Variants in GK5 observed in about 807,000 individuals in gnomAD.
GK5 encodes glycerol kinase 5.
Under a neutral mutation model 77.3 loss-of-function variants are expected in GK5, and 39 were observed. The observed-to-expected ratio is 0.50, with a 90% CI of 0.39 to 0.66. GK5 has a LOEUF of 0.66. Among genes scored for constraint, GK5 ranks in the 30% least tolerant of loss-of-function variants. The pLI is 0.00. For missense variants in GK5, 487 were observed against 633.8 expected (o/e 0.77, Z 2.49); for synonymous variants, 211 against 208.0 (o/e 1.01, Z -0.13).
intron 12 of GK5, among the ~76,000 whole-genome samples, chr3:142,173,869 T>C (rs2063574471): frequency 6.6e-6 from 1 of 152,138 alleles, no homozygotes; most frequent in African/African-American, 2.4e-5. Flanking sequence ...AAAAAGCACC[T>C]TCTAGCTTCA....
intron 4 of GK5, 181 bp downstream of exon 4, chr3:142,204,514 A>G: frequency 1.5e-6 from 1 of 658,060 alleles, no homozygotes; most frequent in Non-Finnish European, 2.8e-6. Flanking sequence ...CCTGAGGTAC[A>G]AGTACTGAAG....
chr3:142,212,468 T>TG (rs1481627665), intron 3 of GK5, among the ~76,000 whole-genome samples: 1 of 151,866 alleles, frequency 6.6e-6, no homozygotes, highest in Non-Finnish European at 1.5e-5. Flanking sequence ...CCTGGGAAGT[T>TG]GAGGCTGCAG....
rs1247723762 is a variant in GK5 at position 142,215,686 on chromosome 3, T to C, written c.154A>G (p.Asn52Asp). Residue 52 changes from asparagine (N) to aspartate (D), a missense_variant, in exon 2 of 16, where the codon AAT (asparagine) becomes GAT (aspartate). Asn to Asp is a conservative substitution (Grantham distance 23, BLOSUM62 1). Around this residue, in one of 4 missense-constraint regions of GK5, gnomAD observed 97 missense variants for 86.9 expected, o/e 1.12. Coordinates refer to ENST00000392993, the MANE Select transcript of GK5 (RefSeq NM_001039547.3). ...VCGSSVQKVE[N>D]LYPQIGWVEI... is the part of the protein sequence containing the mutation. ...ACCCAGCCAATTTGAGGATAAAGATTTTCTACCTATTAAGGAAAAGAAGAT... is the reference window on the plus strand; with the variant it reads ...ACCCAGCCAATTTGAGGATAAAGATCTTCTACCTATTAAGGAAAAGAAGAT... The C allele has an allele frequency of 2.0e-5, 31 of 1,528,034 alleles. No homozygotes were observed. Among genetic ancestry groups the C allele is most frequent in the Non-Finnish European group, 2.8e-5 (31 of 1,105,176 alleles). The allele number at this position is 1,528,034 out of a possible 1,614,324, so 94.7% of individuals were successfully genotyped here. A position where few individuals can be genotyped will look rare whatever the true frequency, so the allele number is the denominator to read the frequency against.
At position 142,179,975 on chromosome 3, in the gene GK5, C is replaced by G. The variant is rs902772265; in HGVS notation, c.1048+1486G>C. Among the ~76,000 whole-genome samples, 14 of 152,186 alleles carry G rather than the reference C, an allele frequency of 9.2e-5. 1 individual carries two copies. Among genetic ancestry groups the G allele is most frequent in the Admixed American group, 9.2e-4 (14 of 15,278 alleles). On this transcript the variant is annotated intron_variant, in intron 11 of 15. Transcript: ENST00000392993. The stretch of plus-strand genomic sequence containing the variant: ...ACATGAAAGAGCTTCAATAGAAGCT[C>G]CTTTCTGGTCTGAGCAGTAGGAGAC...
intron 3 of GK5, among the ~76,000 whole-genome samples, chr3:142,213,075 C>A (rs1348074250): frequency 6.6e-6 from 1 of 151,962 alleles, no homozygotes; most frequent in Non-Finnish European, 1.5e-5. Context: ...ACCTCGTGAT[C>A]CGCCCACCTC....
intron 2 of GK5, 37 bp from the exon 3 acceptor site, chr3:142,213,638 C>T: frequency 1.5e-6 from 2 of 1,327,896 alleles, no homozygotes; most frequent in Non-Finnish European, 2.2e-6. Flanking sequence ...TGTTTTAAAG[C>T]CAGTGATATT....
At chr3:142,201,792 G>C (rs1204074635) in intron 4 of GK5, among the ~76,000 whole-genome samples, 2 of 152,126 alleles carry the variant, frequency 1.3e-5, no homozygotes, top group African/African-American at 4.8e-5. Context: ...AAGAGTCTAA[G>C]GGATCTCTGT....
intron 4 of GK5, among the ~76,000 whole-genome samples, chr3:142,201,298 G>A (rs1430919509): frequency 6.6e-6 from 1 of 152,140 alleles, no homozygotes; most frequent in Non-Finnish European, 1.5e-5. Flanking sequence ...CTCAGCAACA[G>A]AAAGGAATAA....
At chr3:142,177,024 C>A (rs912047129) in intron 12 of GK5, among the ~76,000 whole-genome samples, 11 of 152,138 alleles carry the variant, frequency 7.2e-5, no homozygotes, top group Non-Finnish European at 1.5e-5. Flanking sequence ...TATACACATA[C>A]ATATACATGT....
Position 142,163,256 on chromosome 3 carries a change from A to G in GK5, c.*2366T>C, listed in dbSNP as rs1252829379. The stretch of plus-strand genomic sequence containing the variant: ...GGGACATTCAAAGTTACTTTCCAAC[A>G]TTATCTGAAAAGTATTGATCCTTTT... On this transcript the variant is annotated 3_prime_UTR_variant, in exon 16 of 16. Transcript: ENST00000392993. 6.7e-6 allele frequency: 1 copy of G among 150,366 alleles called. No individual in the cohort carries two copies. Among genetic ancestry groups the G allele is most frequent in the Non-Finnish European group, 1.5e-5 (1 of 67,832 alleles). 9.3% of individuals were successfully genotyped at this position (150,366 alleles called of 1,614,324 possible).
rs1478080238 is a variant in GK5 at position 142,161,098 on chromosome 3, T to G, written c.*4524A>C. 5 of 151,268 alleles carry G rather than the reference T, an allele frequency of 3.3e-5. No homozygotes were observed. Among genetic ancestry groups the G allele is most frequent in the African/African-American group, 1.2e-4 (5 of 40,974 alleles). 9.4% of individuals were successfully genotyped at this position (151,268 alleles called of 1,614,324 possible). ...TTCTTCTTTTGTTTTTTTGTTTTTG[T>G]TTTTGTTTTTGTTTTTTTGAAATGG... On this transcript the variant is annotated 3_prime_UTR_variant, in exon 16 of 16. Transcript: ENST00000392993.
At chr3:142,198,036 A>AAT (rs766103161) in intron 5 of GK5, among the ~76,000 whole-genome samples, 1 of 151,658 alleles carries the variant, frequency 6.6e-6, no homozygotes. Context: ...AAAAAAAAAA[A>AAT]GGTGAAGATA....
Position 142,160,119 on chromosome 3 carries a change from AT to A in GK5, c.*5502del, listed in dbSNP as rs2063415184. ...CGCCTTGGCCTCCCAAAGTGCTGGG[AT>A]TACAGGCGTGAGCCACTACACCTGG... On this transcript the variant is annotated 3_prime_UTR_variant, in exon 16 of 16. Coordinates refer to ENST00000392993, the MANE Select transcript of GK5 (RefSeq NM_001039547.3). 1 of 152,572 alleles carries A rather than the reference AT, an allele frequency of 6.6e-6. No individual in the cohort carries two copies. The highest frequency in any genetic ancestry group is 2.1e-4 in the South Asian group (1 of 4,834). 9.5% of individuals were successfully genotyped at this position (152,572 alleles called of 1,614,324 possible). A position where few individuals can be genotyped will look rare whatever the true frequency, so the allele number is the denominator to read the frequency against.
intron 2 of GK5, 69 bp downstream of exon 2, chr3:142,215,530 G>T: frequency 1.3e-6 from 1 of 767,658 alleles, no homozygotes. Flanking sequence ...CACAACTACA[G>T]AAGCCTGAGG....
chr3:142,179,752 A>G (rs1259796097), intron 11 of GK5, among the ~76,000 whole-genome samples: 2 of 152,238 alleles, frequency 1.3e-5, no homozygotes, highest in Admixed American at 1.3e-4. Context: ...CTGTTGTCAA[A>G]TAAGCTAATT....
At chr3:142,182,585 G>A (rs564441633) in intron 10 of GK5, among the ~76,000 whole-genome samples, 3 of 152,238 alleles carry the variant, frequency 2.0e-5, no homozygotes, top group Admixed American at 1.3e-4. Context: ...CTGACCTAGG[G>A]TGATCTGCCC....
chr3:142,207,809 G>A (rs545120430), intron 3 of GK5, among the ~76,000 whole-genome samples: 7 of 152,214 alleles, frequency 4.6e-5, no homozygotes, highest in East Asian at 1.9e-4. Flanking sequence ...AGAGAGCCCC[G>A]TTGTATTGCG....
chr3:142,172,342 G>T lies in GK5; in HGVS notation c.1247+11C>A, dbSNP rs745391873. ...TATGGGGAAGGGGAAGTTTAGGGCA[G>T]GTTTTCATACCTGAAAGCTATTGAC... On this transcript the variant is annotated intron_variant, in intron 13 of 15. Transcript: ENST00000392993. The T allele has an allele frequency of 6.9e-6, 10 of 1,438,924 alleles. No individual in the cohort carries two copies. The South Asian group carries it at 1.2e-4, about 18-fold the overall frequency. The allele number at this position is 1,438,924 out of a possible 1,614,324, so 89.1% of individuals were successfully genotyped here. A position where few individuals can be genotyped will look rare whatever the true frequency, so the allele number is the denominator to read the frequency against.
chr3:142,199,906 C>T (rs992526716), intron 4 of GK5, among the ~76,000 whole-genome samples: 1 of 151,960 alleles, frequency 6.6e-6, no homozygotes, highest in African/African-American at 2.4e-5. Flanking sequence ...GTTAATCCTA[C>T]CTCACTCCCT....
Sources: gnomAD v4.1 joint callset for allele counts (sites outside exome capture counted in the v4.1 genomes callset) on GRCh38, gnomAD v4.1.1 for gene constraint, gnomAD v4.1.1 regional missense constraint, MANE v1.5 for transcripts, NCBI Gene and HGNC (gene_info 2026-07-23, HGNC 2026-07-21) for gene names.